Variants in ASIC2 observed in about 807,000 individuals in gnomAD.
ASIC2 encodes the protein acid sensing ion channel subunit 2.
Under a neutral mutation model 57.3 loss-of-function variants are expected in ASIC2, and 25 were observed. The ratio of observed to expected loss-of-function variants is 0.44; its 90% CI spans 0.32 to 0.61. The LOEUF is 0.61. Ranked by LOEUF, ASIC2 falls within the 20% of genes least tolerant of loss-of-function variation. ASIC2 has a pLI of 0.06. For synonymous variants in ASIC2, 319 were observed against 307.5 expected (o/e 1.04, Z -0.39); for missense variants, 641 against 738.1 (o/e 0.87, Z 1.52).
At chr17:33,163,990 C>G (rs533916133) in intron 1 of ASIC2, among the ~76,000 whole-genome samples, 1 of 152,202 alleles carries the variant, frequency 6.6e-6, no homozygotes, top group Non-Finnish European at 1.5e-5. Context: ...TGCGGATGAC[C>G]TCAATTCATA....
chr17:33,041,156 TG>T (rs2091928511), intron 3 of ASIC2, among the ~76,000 whole-genome samples: 1 of 152,174 alleles, frequency 6.6e-6, no homozygotes, highest in South Asian at 2.1e-4. Flanking sequence ...GAAGAACTGA[TG>T]AGCTGTGTGG....
At chr17:33,233,684 C>T (rs1430547741) in intron 1 of ASIC2, among the ~76,000 whole-genome samples, 3 of 151,822 alleles carry the variant, frequency 2.0e-5, no homozygotes, top group Non-Finnish European at 2.9e-5. Context: ...TGTAGGCTGA[C>T]GTTGCTTTCA....
At chr17:33,662,988 C>T (rs1396797741) in intron 1 of ASIC2, among the ~76,000 whole-genome samples, 1 of 152,160 alleles carries the variant, frequency 6.6e-6, no homozygotes, top group Non-Finnish European at 1.5e-5. Context: ...CCAATTGTGG[C>T]CTTTTTGCTG....
intron 1 of ASIC2, among the ~76,000 whole-genome samples, chr17:33,316,788 T>G (rs1394773595): frequency 6.6e-6 from 1 of 152,214 alleles, no homozygotes; most frequent in Non-Finnish European, 1.5e-5. Flanking sequence ...AAAACTCAAG[T>G]AATTAGAACA....
At chr17:33,403,676 TC>T (rs371755708) in intron 1 of ASIC2, among the ~76,000 whole-genome samples, 1 of 152,336 alleles carries the variant, frequency 6.6e-6, no homozygotes, top group East Asian at 1.9e-4. Flanking sequence ...AAACCTTCCT[TC>T]ATCATCAGGG....
chr17:33,201,559 T>C (rs901143411), intron 1 of ASIC2, among the ~76,000 whole-genome samples: 1 of 152,228 alleles, frequency 6.6e-6, no homozygotes, highest in African/African-American at 2.4e-5. Flanking sequence ...TTACCACCCC[T>C]TTTCTAGACA....
At chr17:33,401,717 C>T (rs1057002509) in intron 1 of ASIC2, among the ~76,000 whole-genome samples, 5 of 152,142 alleles carry the variant, frequency 3.3e-5, no homozygotes, top group African/African-American at 1.2e-4. Flanking sequence ...TCTTTGTTCG[C>T]TTCCCAGGAG....
chr17:33,204,219 C>G (rs565992441), intron 1 of ASIC2, among the ~76,000 whole-genome samples: 9 of 152,162 alleles, frequency 5.9e-5, no homozygotes, highest in African/African-American at 2.2e-4. Flanking sequence ...TATCAAAATC[C>G]CCTAGAAAAA....
chr17:33,613,788 C>T (rs1032954527), intron 1 of ASIC2, among the ~76,000 whole-genome samples: 1 of 152,178 alleles, frequency 6.6e-6, no homozygotes, highest in Non-Finnish European at 1.5e-5. Context: ...TCAGCACCCA[C>T]GGGTCTTTCT....
chr17:33,025,173 C>T (rs1024656572), intron 5 of ASIC2, among the ~76,000 whole-genome samples: 3 of 152,168 alleles, frequency 2.0e-5, no homozygotes, highest in Non-Finnish European at 2.9e-5. Context: ...GCTGAACGAA[C>T]TTGAGGGCAC....
intron 1 of ASIC2, among the ~76,000 whole-genome samples, chr17:33,330,574 C>T (rs996679995): frequency 6.6e-6 from 1 of 152,184 alleles, no homozygotes; most frequent in Admixed American, 6.5e-5. Context: ...CCAGACCACA[C>T]AGCTCCTAAA....
intron 1 of ASIC2, among the ~76,000 whole-genome samples, chr17:33,409,879 T>A (rs1409036466): frequency 3.3e-5 from 5 of 152,226 alleles, no homozygotes; most frequent in African/African-American, 1.2e-4. Flanking sequence ...TTTGGCTTGA[T>A]TCAGCCCACC....
intron 1 of ASIC2, among the ~76,000 whole-genome samples, chr17:33,423,187 A>G (rs1019613145): frequency 2.0e-5 from 3 of 152,178 alleles, no homozygotes; most frequent in Admixed American, 6.5e-5. Flanking sequence ...CCATGCCTTG[A>G]GAGATACTGA....
At chr17:33,734,429 C>T (rs1275810423) in intron 1 of ASIC2, among the ~76,000 whole-genome samples, 1 of 152,190 alleles carries the variant, frequency 6.6e-6, no homozygotes, top group African/African-American at 2.4e-5. Context: ...ATTTCTCTCT[C>T]TGTATTATCC....
chr17:34,097,976 T>C (rs1910606746), intron 1 of ASIC2, among the ~76,000 whole-genome samples: 1 of 152,074 alleles, frequency 6.6e-6, no homozygotes, highest in Non-Finnish European at 1.5e-5. Flanking sequence ...ACATAGGAAA[T>C]AGAAGTTACC....
At chr17:33,024,367 G>A (rs1265872631) in intron 5 of ASIC2, among the ~76,000 whole-genome samples, 5 of 152,146 alleles carry the variant, frequency 3.3e-5, no homozygotes, top group Non-Finnish European at 5.9e-5. Context: ...CAAAGCAAAT[G>A]TAGGAGACCA....
intron 1 of ASIC2, among the ~76,000 whole-genome samples, chr17:33,587,651 T>C (rs1904682233): frequency 6.6e-6 from 1 of 152,178 alleles, no homozygotes; most frequent in African/African-American, 2.4e-5. Flanking sequence ...TGCCTTGAGG[T>C]TGGGCATAAC....
chr17:34,069,372 C>G (rs1909310085), intron 1 of ASIC2: 2 of 81,588 alleles, frequency 2.5e-5, no homozygotes, highest in South Asian at 3.9e-4. Context: ...TTCTTTCTTT[C>G]CTTTTTTTCT....
intron 1 of ASIC2, among the ~76,000 whole-genome samples, chr17:33,185,159 A>T (rs1597620409): frequency 6.6e-6 from 1 of 152,340 alleles, no homozygotes; most frequent in Non-Finnish European, 1.5e-5. Flanking sequence ...ACTGGCATTC[A>T]TAAGAATTAG....
Sources: gnomAD v4.1 joint callset for allele counts (sites outside exome capture counted in the v4.1 genomes callset) on GRCh38, gnomAD v4.1.1 for gene constraint, MANE v1.5 for transcripts, NCBI Gene and HGNC (gene_info 2026-07-23, HGNC 2026-07-21) for gene names.